The following NCAM2 variants were observed in gnomAD, a reference collection of about 807,000 sequenced individuals.
NCAM2 encodes neural cell adhesion molecule 2, also known as N-CAM-2.
NCAM2 carries 30 observed loss-of-function variants against 98.1 expected under a neutral mutation model. That is an observed-to-expected ratio of 0.31 (90% CI 0.23 to 0.41). NCAM2 has a LOEUF of 0.41. Among genes scored for constraint, NCAM2 ranks in the 10% least tolerant of loss-of-function variants. The pLI is 1.00. For synonymous variants in NCAM2, 368 were observed against 342.4 expected (o/e 1.07, Z -0.83); for missense variants, 867 against 1,005.8 (o/e 0.86, Z 1.87).
intron 9 of NCAM2, among the ~76,000 whole-genome samples, chr21:21,408,339 A>G (rs2076784958): frequency 6.6e-6 from 1 of 152,196 alleles, no homozygotes; most frequent in African/African-American, 2.4e-5. Flanking sequence ...TAGCACACCT[A>G]AGTACAAAGA....
chr21:21,432,348 C>CT, intron 12 of NCAM2, 67 bp downstream of exon 12: 1 of 1,441,786 alleles, frequency 6.9e-7, no homozygotes, highest in Non-Finnish European at 9.5e-7. Context: ...GTATGATTGG[C>CT]TTTTTCGGTT....
chr21:21,029,192 T>A (rs904135476), intron 1 of NCAM2, among the ~76,000 whole-genome samples: 1 of 152,232 alleles, frequency 6.6e-6, no homozygotes, highest in Non-Finnish European at 1.5e-5. Context: ...TACAATGATC[T>A]TCTTTCTTCT....
chr21:21,079,849 TACTC>T (rs1321415740), intron 1 of NCAM2, among the ~76,000 whole-genome samples: 1 of 152,252 alleles, frequency 6.6e-6, no homozygotes, highest in African/African-American at 2.4e-5. Flanking sequence ...ATTTTTCAAA[TACTC>T]AGTGCTATAA....
intron 1 of NCAM2, among the ~76,000 whole-genome samples, chr21:21,257,630 C>G (rs1424251590): frequency 3.3e-5 from 5 of 152,012 alleles, no homozygotes; most frequent in African/African-American, 1.2e-4. Flanking sequence ...GAGTCTTGCT[C>G]TGAGTCCAGT....
chr21:21,373,146 T>A (rs947192598), intron 8 of NCAM2, among the ~76,000 whole-genome samples: 1 of 151,938 alleles, frequency 6.6e-6, no homozygotes, highest in East Asian at 1.9e-4. Flanking sequence ...CTAAAAATAT[T>A]AGAATATACT....
At chr21:21,179,388 C>A (rs1364653092) in intron 1 of NCAM2, among the ~76,000 whole-genome samples, 1 of 152,116 alleles carries the variant, frequency 6.6e-6, no homozygotes, top group Admixed American at 6.6e-5. Flanking sequence ...ATACCCGAAA[C>A]AAATTGAATG....
chr21:21,468,589 T>G, intron 13 of NCAM2, 73 bp from the exon 14 acceptor site: 2 of 1,429,182 alleles, frequency 1.4e-6, no homozygotes, highest in Non-Finnish European at 1.9e-6. Context: ...ATTACTGTTC[T>G]TTTTATTAAA....
intron 1 of NCAM2, among the ~76,000 whole-genome samples, chr21:21,190,640 G>A (rs990618514): frequency 1.3e-5 from 2 of 152,184 alleles, no homozygotes; most frequent in African/African-American, 4.8e-5. Flanking sequence ...TTCAGTTCAT[G>A]TATATATTTG....
At chr21:21,353,300 T>C (rs1000347075) in intron 8 of NCAM2, among the ~76,000 whole-genome samples, 1 of 152,210 alleles carries the variant, frequency 6.6e-6, no homozygotes, top group Non-Finnish European at 1.5e-5. Flanking sequence ...TACCCTTAGT[T>C]GTCAGAGATT....
intron 1 of NCAM2, among the ~76,000 whole-genome samples, chr21:21,077,596 A>G (rs1395464612): frequency 1.3e-5 from 2 of 152,198 alleles, no homozygotes. Context: ...TGCAAATTTT[A>G]TAAGTAAAAA....
chr21:21,241,034 C>T (rs1601738447), intron 1 of NCAM2, among the ~76,000 whole-genome samples: 2 of 152,138 alleles, frequency 1.3e-5, no homozygotes, highest in East Asian at 3.9e-4. Context: ...ATGACAATAT[C>T]ATAGTGATTT....
chr21:21,111,193 A>G (rs556014232), intron 1 of NCAM2, among the ~76,000 whole-genome samples: 1 of 152,318 alleles, frequency 6.6e-6, no homozygotes, highest in African/African-American at 2.4e-5. Context: ...AAGAAACTCC[A>G]ATTCAATAAT....
At chr21:21,341,264 G>T (rs556832650) in intron 8 of NCAM2, among the ~76,000 whole-genome samples, 1 of 151,942 alleles carries the variant, frequency 6.6e-6, no homozygotes, top group Non-Finnish European at 1.5e-5. Flanking sequence ...TAAGAATCAC[G>T]TGGGAAGACT....
chr21:21,349,123 G>T (rs1235753392), intron 8 of NCAM2, among the ~76,000 whole-genome samples: 1 of 151,998 alleles, frequency 6.6e-6, no homozygotes, highest in Non-Finnish European at 1.5e-5. Flanking sequence ...CACATCAAAG[G>T]TTACAATCAA....
intron 5 of NCAM2, among the ~76,000 whole-genome samples, chr21:21,308,916 G>A (rs953731759): frequency 2.7e-5 from 4 of 150,722 alleles, no homozygotes; most frequent in Non-Finnish European, 5.9e-5. Context: ...TCTTTTCTTT[G>A]GCAATGTTTA....
intron 1 of NCAM2, among the ~76,000 whole-genome samples, chr21:21,001,296 CT>C (rs916772250): frequency 7.6e-4 from 116 of 152,024 alleles, no homozygotes; most frequent in African/African-American, 2.7e-3. Flanking sequence ...TAGTAAGACG[CT>C]TTTTTTTATT....
chr21:21,099,674 C>A (rs1033711955), intron 1 of NCAM2, among the ~76,000 whole-genome samples: 2 of 151,796 alleles, frequency 1.3e-5, no homozygotes, highest in Non-Finnish European at 2.9e-5. Flanking sequence ...TGGGTGGGGA[C>A]GCAGCCAAAC....
At chr21:21,277,821 G>C (rs2072782668) in intron 1 of NCAM2, among the ~76,000 whole-genome samples, 1 of 152,004 alleles carries the variant, frequency 6.6e-6, no homozygotes, top group South Asian at 2.1e-4. Flanking sequence ...GCAAAAGTGA[G>C]AAAAAATATG....
At chr21:21,163,470 T>G (rs1438257760) in intron 1 of NCAM2, among the ~76,000 whole-genome samples, 1 of 152,180 alleles carries the variant, frequency 6.6e-6, no homozygotes, top group African/African-American at 2.4e-5. Flanking sequence ...CATTTTCGTT[T>G]GCTTTATTTT....
Sources: allele counts gnomAD v4.1 joint callset (sites outside exome capture counted in the v4.1 genomes callset), GRCh38; gene constraint gnomAD v4.1.1; transcripts MANE v1.5; gene names NCBI Gene and HGNC (gene_info 2026-07-23, HGNC 2026-07-21).